NAA25: variants seen among roughly 807,000 people sequenced by gnomAD.
NAA25 encodes the protein N-alpha-acetyltransferase 25, NatB auxiliary subunit.
A neutral mutation model predicts 132.5 loss-of-function variants in NAA25; 30 were observed. The observed-to-expected ratio is 0.23, with a 90% CI of 0.17 to 0.31. NAA25 has a LOEUF of 0.31. Ranked by LOEUF, NAA25 falls within the 10% of genes least tolerant of loss-of-function variation. The pLI is 1.00. For missense variants in NAA25, 771 were observed against 1,150.4 expected (o/e 0.67, Z 4.77); for synonymous variants, 359 against 401.9 (o/e 0.89, Z 1.28).
intron 13 of NAA25, among the ~76,000 whole-genome samples, chr12:112,057,466 T>C (rs1293565682): frequency 1.3e-5 from 2 of 152,196 alleles, no homozygotes; most frequent in Non-Finnish European, 2.9e-5. Flanking sequence ...AAAATGACTT[T>C]TGCTACCCTA....
At chr12:112,054,758 T>A (rs2136841253) in intron 13 of NAA25, among the ~76,000 whole-genome samples, 190 bp from the exon 14 acceptor site, 1 of 152,326 alleles carries the variant, frequency 6.6e-6, no homozygotes, top group Non-Finnish European at 1.5e-5. Context: ...CCTTCAATAG[T>A]TAAGTCTATT....
chr12:112,031,359 G>GTATT (rs1484155031), intron 23 of NAA25, among the ~76,000 whole-genome samples: 1 of 152,186 alleles, frequency 6.6e-6, no homozygotes, highest in Admixed American at 6.5e-5. Flanking sequence ...TATGCATCAG[G>GTATT]TATTTGGTAG....
At chr12:112,107,070 G>A (rs1020204071) in intron 1 of NAA25, among the ~76,000 whole-genome samples, 1 of 151,320 alleles carries the variant, frequency 6.6e-6, no homozygotes, top group Non-Finnish European at 1.5e-5. Context: ...GTCCAGCCTG[G>A]CTAACATGGT....
At chr12:112,088,111 C>T (rs1294942495) in intron 3 of NAA25, among the ~76,000 whole-genome samples, 1 of 152,152 alleles carries the variant, frequency 6.6e-6, no homozygotes, top group African/African-American at 2.4e-5. Context: ...TGGGATGTAT[C>T]ATACATAACT....
rs866540749 is a variant in NAA25 at position 112,086,077 on chromosome 12, C to T, written c.402+1606G>A. ...ATATATATATATATATATATATACA[C>T]ACACACACACACACACACACACACA... On this transcript the variant is annotated intron_variant, in intron 4 of 23. Coordinates refer to ENST00000261745, the MANE Select transcript of NAA25 (RefSeq NM_024953.4). Among the ~76,000 whole-genome samples the T allele has an allele frequency of 6.0e-3, 454 of 76,078 alleles. 2 individuals are homozygous for T. The highest frequency in any genetic ancestry group is 0.018 in the African/African-American group (292 of 16,232). The allele number at this position is 76,078 out of a possible 152,430, so 49.9% of individuals were successfully genotyped here.
In NAA25 at chr12:112,078,707, G is replaced by A. The variant is rs373778663; in HGVS notation, c.512C>T (p.Thr171Ile). Reference protein sequence around the residue: ...ISAQDENLSKTMFLPLAERMV... With the variant: ...ISAQDENLSKIMFLPLAERMV... ...TCTCTCAGCAAGGGGCAGAAACATT[G>A]TTTTTGAGAGGTTTTCATCCTGTGC... Residue 171 changes from threonine (T) to isoleucine (I), a missense_variant, in exon 6 of 24, where the codon ACA (threonine) becomes ATA (isoleucine). Coordinates refer to ENST00000261745, the MANE Select transcript of NAA25 (RefSeq NM_024953.4). 9 of 1,613,872 alleles carry A rather than the reference G, an allele frequency of 5.6e-6. No homozygotes were observed. Among genetic ancestry groups the A allele is most frequent in the Non-Finnish European group, 7.6e-6 (9 of 1,179,882 alleles).
At chr12:112,040,360 A>C (rs1355253181) in intron 21 of NAA25, 121 bp downstream of exon 21, 5 of 554,878 alleles carry the variant, frequency 9.0e-6, no homozygotes, top group Admixed American at 3.8e-5. Flanking sequence ...CAATTAACAA[A>C]AACAGGGATG....
At chr12:112,072,654 TA>T (rs915224652) in intron 9 of NAA25, among the ~76,000 whole-genome samples, 1 of 144,498 alleles carries the variant, frequency 6.9e-6, no homozygotes, top group African/African-American at 2.6e-5. Context: ...AATAAAAATA[TA>T]AGGCTGGGTG....
intron 22 of NAA25, chr12:112,034,928 CAATAT>C (rs1381836256): frequency 6.6e-6 from 1 of 151,836 alleles, no homozygotes; most frequent in Non-Finnish European, 1.5e-5. Flanking sequence ...AACAATTCAT[CAATAT>C]AATTATAGCA....
At chr12:112,093,021 G>T in intron 2 of NAA25, 30 bp downstream of exon 2, 4 of 1,484,698 alleles carry the variant, frequency 2.7e-6, no homozygotes, top group Non-Finnish European at 3.7e-6. Context: ...ACCCGCCACA[G>T]GTAAGTAACT....
intron 15 of NAA25, 94 bp from the exon 16 acceptor site, chr12:112,048,537 A>G (rs908328671): frequency 9.5e-7 from 1 of 1,051,218 alleles, no homozygotes; most frequent in African/African-American, 1.6e-5. Context: ...TCAAACTAAA[A>G]TTAAGTTTTA....
intron 11 of NAA25, among the ~76,000 whole-genome samples, chr12:112,064,989 G>A (rs1164179740): frequency 2.0e-5 from 3 of 152,058 alleles, no homozygotes; most frequent in East Asian, 3.9e-4. Flanking sequence ...AGCCGAAATC[G>A]CGCCATTGCA....
Position 112,074,655 on chromosome 12 carries a change from C to T in NAA25, c.866+20G>A. 6.5e-7 allele frequency: 1 copy of T among 1,526,936 alleles called. No individual in the cohort carries two copies. The allele number at this position is 1,526,936 out of a possible 1,614,324, so 94.6% of individuals were successfully genotyped here. A position where few individuals can be genotyped will look rare whatever the true frequency, so the allele number is the denominator to read the frequency against. On this transcript the variant is annotated intron_variant, in intron 9 of 23. Coordinates refer to ENST00000261745, the MANE Select transcript of NAA25 (RefSeq NM_024953.4). Reference sequence around the variant, plus strand: ...TATATTAAAAAGTGCTGTTATAATTCAGGAAAGAAGACAACTTACTGTTCA... The same window carrying T: ...TATATTAAAAAGTGCTGTTATAATTTAGGAAAGAAGACAACTTACTGTTCA...
intron 4 of NAA25, among the ~76,000 whole-genome samples, 162 bp from the exon 5 acceptor site, chr12:112,081,296 T>A (rs1022593342): frequency 6.6e-6 from 1 of 152,202 alleles, no homozygotes; most frequent in Non-Finnish European, 1.5e-5. Flanking sequence ...ACAGCAGTAA[T>A]CACAAAGGTG....
intron 10 of NAA25, among the ~76,000 whole-genome samples, chr12:112,070,910 C>T (rs2078795832): frequency 6.6e-6 from 1 of 152,244 alleles, no homozygotes; most frequent in Non-Finnish European, 1.5e-5. Context: ...CCATGCCTGG[C>T]TAATTTTTGT....
intron 4 of NAA25, among the ~76,000 whole-genome samples, chr12:112,083,578 G>A (rs1465708332): frequency 6.6e-6 from 1 of 151,854 alleles, no homozygotes; most frequent in Admixed American, 6.6e-5. Flanking sequence ...ATCTAGAGAC[G>A]ACAAGGACAT....
chr12:112,088,317 G>GTTTTTTTTTTTTTT (rs1025838850), intron 3 of NAA25, among the ~76,000 whole-genome samples: 1 of 75,582 alleles, frequency 1.3e-5, no homozygotes, highest in Non-Finnish European at 2.4e-5. Context: ...GTATATTGTA[G>GTTTTTTTTTTTTTT]TTTTTTTTTT....
intron 11 of NAA25, among the ~76,000 whole-genome samples, chr12:112,066,748 G>A (rs2078724352): frequency 6.6e-6 from 1 of 152,182 alleles, no homozygotes; most frequent in Admixed American, 6.5e-5. Context: ...GTGAATGGCA[G>A]CAGTCATTTC....
At position 112,029,218 on chromosome 12, in the gene NAA25, A is replaced by AC. The variant is rs1439928407; in HGVS notation, c.*312dup. The AC allele has an allele frequency of 7.0e-6, 2 of 287,376 alleles. No individual in the cohort carries two copies. Among genetic ancestry groups the AC allele is most frequent in the Non-Finnish European group, 1.3e-5 (2 of 152,190 alleles). The allele number at this position is 287,376 out of a possible 1,614,324, so 17.8% of individuals were successfully genotyped here. On this transcript the variant is annotated 3_prime_UTR_variant, in exon 24 of 24. Transcript: ENST00000261745. ...TTAATTTCTATTGCTGTTTTTATAG[A>AC]CCCCCCGCTCCCCTGAAAAGATGTT...
Sources: allele counts gnomAD v4.1 joint callset (sites outside exome capture counted in the v4.1 genomes callset), GRCh38; gene constraint gnomAD v4.1.1; transcripts MANE v1.5; gene names NCBI Gene and HGNC (gene_info 2026-07-23, HGNC 2026-07-21).